The following TENT2 variants were observed in gnomAD, a reference collection of about 807,000 sequenced individuals.
TENT2 encodes the protein poly(A) RNA polymerase GLD2.
TENT2 carries 44 observed loss-of-function variants against 72.2 expected under a neutral mutation model. That is an observed-to-expected ratio of 0.61 (90% CI 0.48 to 0.78). TENT2 has a LOEUF of 0.78. Ranked by LOEUF, TENT2 falls within the 30% of genes least tolerant of loss-of-function variation. The pLI, the probability that TENT2 is intolerant of heterozygous loss-of-function variation, is 0.00. For missense variants in TENT2, 541 were observed against 569.6 expected (o/e 0.95, Z 0.51); for synonymous variants, 212 against 192.5 (o/e 1.10, Z -0.84).
At chr5:79,662,107 C>G (rs888821068) in intron 11 of TENT2, among the ~76,000 whole-genome samples, 1 of 152,174 alleles carries the variant, frequency 6.6e-6, no homozygotes, top group African/African-American at 2.4e-5. Flanking sequence ...TAGATTCTGT[C>G]TCAAGAAACT....
At chr5:79,664,621 A>T (rs1425373024) in intron 11 of TENT2, among the ~76,000 whole-genome samples, 1 of 151,920 alleles carries the variant, frequency 6.6e-6, no homozygotes, top group Non-Finnish European at 1.5e-5. Flanking sequence ...GAGGTTAACA[A>T]ATTTTGGTGG....
intron 11 of TENT2, among the ~76,000 whole-genome samples, chr5:79,667,636 TTC>T (rs1362189712): frequency 1.1e-4 from 17 of 152,192 alleles, no homozygotes; most frequent in African/African-American, 4.1e-4. Flanking sequence ...AGAATTTTTA[TTC>T]TGAGAGAAAG....
intron 4 of TENT2, among the ~76,000 whole-genome samples, chr5:79,632,750 A>G (rs183525160): frequency 1.3e-5 from 2 of 152,290 alleles, no homozygotes; most frequent in East Asian, 3.9e-4. Context: ...CAGATCTCTA[A>G]AGGACTCTGT....
chr5:79,666,218 A>C (rs562018533), intron 11 of TENT2, among the ~76,000 whole-genome samples: 1 of 147,262 alleles, frequency 6.8e-6, no homozygotes, highest in Admixed American at 6.8e-5. Flanking sequence ...CGAACTCCTG[A>C]CCTCGAGGGA....
intron 8 of TENT2, among the ~76,000 whole-genome samples, chr5:79,647,343 A>C (rs1789920829): frequency 6.6e-6 from 1 of 152,154 alleles, no homozygotes; most frequent in African/African-American, 2.4e-5. Context: ...GATATTTTTA[A>C]AGCCCTGAAT....
intron 3 of TENT2, among the ~76,000 whole-genome samples, chr5:79,622,398 A>G (rs146281021): frequency 4.5e-4 from 68 of 152,272 alleles, no homozygotes; most frequent in African/African-American, 1.3e-3. Context: ...ACAACTTAAT[A>G]TATCAATGAA....
rs563111079 is a variant in TENT2 at position 79,646,248 on chromosome 5, G to A, written c.821+1056G>A. 1.4e-4 allele frequency among the ~76,000 whole-genome samples: 21 copies of A among 152,256 alleles called. No individual in the cohort carries two copies. In the South Asian group the frequency reaches 2.1e-3, roughly 15 times the overall value. On this transcript the variant is annotated intron_variant, in intron 8 of 14. Transcript: ENST00000453514. ...ATATGTGTTAGGTAGGCTTCGCTCA[G>A]GCATGAGTTATAGTACTCTTGGCCA...
intron 12 of TENT2, among the ~76,000 whole-genome samples, chr5:79,676,600 A>G (rs923350922): frequency 6.6e-6 from 1 of 152,110 alleles, no homozygotes. Flanking sequence ...AATAAATAAA[A>G]AGAATGGCTA....
At chr5:79,685,050 C>A in intron 14 of TENT2, 149 bp from the exon 15 acceptor site, 1 of 616,934 alleles carries the variant, frequency 1.6e-6, no homozygotes, top group East Asian at 3.2e-5. Flanking sequence ...AGAGTGAGAC[C>A]TTATCTCAAA....
chr5:79,650,010 A>C (rs141039997), intron 10 of TENT2, among the ~76,000 whole-genome samples: 3 of 152,114 alleles, frequency 2.0e-5, no homozygotes, highest in Non-Finnish European at 2.9e-5. Context: ...GAGATGTTTA[A>C]TAACTAACCA....
chr5:79,686,315 G>A lies in TENT2; in HGVS notation c.*1042G>A, dbSNP rs1461441144. 1 of 151,812 alleles carries A rather than the reference G, an allele frequency of 6.6e-6. No homozygotes were observed. The highest frequency in any genetic ancestry group is 6.6e-5 in the Admixed American group (1 of 15,248). The allele number at this position is 151,812 out of a possible 1,614,324, so 9.4% of individuals were successfully genotyped here. ...TTTTTTAGTATTTCTTTTTTCACAT[G>A]AAAGAAGTGGTGGCTGCTAAAAAAA... On this transcript the variant is annotated 3_prime_UTR_variant, in exon 15 of 15. Coordinates refer to ENST00000453514, the MANE Select transcript of TENT2 (RefSeq NM_001114394.3).
intron 12 of TENT2, among the ~76,000 whole-genome samples, chr5:79,675,469 T>A (rs1816545112): frequency 6.6e-6 from 1 of 152,162 alleles, no homozygotes; most frequent in African/African-American, 2.4e-5. Flanking sequence ...TGTCATATAC[T>A]AGAGTAAAAG....
At chr5:79,617,331 T>C (rs1013713511) in intron 1 of TENT2, among the ~76,000 whole-genome samples, 1 of 151,772 alleles carries the variant, frequency 6.6e-6, no homozygotes, top group Admixed American at 6.6e-5. Flanking sequence ...AAAAAATCAG[T>C]ATATTCATTC....
At chr5:79,649,961 G>A (rs1240127315) in intron 10 of TENT2, among the ~76,000 whole-genome samples, 5 of 152,078 alleles carry the variant, frequency 3.3e-5, no homozygotes, top group African/African-American at 1.2e-4. Context: ...TTAAAAGATG[G>A]ATGCATCTAC....
At chr5:79,648,537 G>A (rs1385913147) in intron 8 of TENT2, 80 bp from the exon 9 acceptor site, 1 of 934,218 alleles carries the variant, frequency 1.1e-6, no homozygotes. Flanking sequence ...GGATGGATGA[G>A]CATTAATTTA....
At chr5:79,622,282 C>T (rs979452145) in intron 3 of TENT2, among the ~76,000 whole-genome samples, 10 of 151,750 alleles carry the variant, frequency 6.6e-5, no homozygotes, top group Admixed American at 6.6e-4. Context: ...AGCCCGGCAA[C>T]AGAGGAAGAC....
intron 4 of TENT2, among the ~76,000 whole-genome samples, chr5:79,630,633 G>T (rs1391161326): frequency 1.3e-5 from 2 of 152,052 alleles, no homozygotes; most frequent in Non-Finnish European, 2.9e-5. Context: ...ATGTTTGAGG[G>T]TGTTGATGCA....
intron 12 of TENT2, among the ~76,000 whole-genome samples, chr5:79,671,454 G>T (rs1175272160): frequency 6.6e-6 from 1 of 151,310 alleles, no homozygotes; most frequent in Admixed American, 6.6e-5. Flanking sequence ...GCCCAGGCTG[G>T]AGTGCAGTGG....
intron 1 of TENT2, among the ~76,000 whole-genome samples, chr5:79,614,634 A>G (rs1011739517): frequency 6.6e-6 from 1 of 152,218 alleles, no homozygotes; most frequent in Non-Finnish European, 1.5e-5. Context: ...AGGAGATGGT[A>G]GAAGACCATA....
Sources: gnomAD v4.1 joint callset for allele counts (sites outside exome capture counted in the v4.1 genomes callset) on GRCh38, gnomAD v4.1.1 for gene constraint, MANE v1.5 for transcripts, NCBI Gene and HGNC (gene_info 2026-07-23, HGNC 2026-07-21) for gene names.